MGAT4C: variants seen among roughly 807,000 people sequenced by gnomAD.
MGAT4C encodes the protein MGAT4 family member C, also known as alpha-1,3-mannosyl-glycoprotein 4-beta-N-acetylglucosaminyltransferase C.
In MGAT4C, 19 loss-of-function variants were observed where a neutral mutation model predicts 40.1. The ratio of observed to expected loss-of-function variants is 0.47; its 90% CI spans 0.33 to 0.70. The LOEUF (loss-of-function observed/expected upper bound fraction) is 0.70, where lower values mean the gene tolerates loss of function less well. MGAT4C is among the 30% of genes least tolerant of loss of function. MGAT4C has a pLI of 0.02. For synonymous variants in MGAT4C, 181 were observed against 187.1 expected, an observed-to-expected ratio of 0.97 and a Z score of 0.27; for missense variants, 491 against 563.2, an observed-to-expected ratio of 0.87 and a Z score of 1.30.
At chr12:86,019,870 G>A (rs966235292) in intron 2 of MGAT4C, among the ~76,000 whole-genome samples, 3 of 152,002 alleles carry the variant, frequency 2.0e-5, no homozygotes, top group African/African-American at 7.3e-5. Flanking sequence ...ATTTCATTGA[G>A]CAGTGGTTTG....
chr12:86,090,889 C>T (rs1459115608), intron 1 of MGAT4C, among the ~76,000 whole-genome samples: 2 of 151,738 alleles, frequency 1.3e-5, no homozygotes, highest in Admixed American at 1.3e-4. Flanking sequence ...TTTAAAAATC[C>T]TGACAGCCAA....
At chr12:86,215,406 C>G (rs1297527316) in intron 1 of MGAT4C, among the ~76,000 whole-genome samples, 1 of 152,102 alleles carries the variant, frequency 6.6e-6, no homozygotes, top group African/African-American at 2.4e-5. Context: ...AAGCTGCCCC[C>G]ACACATAGCA....
At position 86,605,425 on chromosome 12, in the gene MGAT4C, C is replaced by T. The variant is rs116094656; in HGVS notation, c.-229+121784G>A. On this transcript the variant is annotated intron_variant, in intron 2 of 7. Coordinates refer to the MGAT4C transcript ENST00000548651. ...GACCACTGGCATATGTAGATCAACT[C>T]GGCAGCCTGTTCAGAATAATAATAA... Among the ~76,000 whole-genome samples the T allele has an allele frequency of 3.0e-3, 455 of 151,998 alleles. 2 individuals are homozygous for T. The highest frequency in any genetic ancestry group is 0.01 in the African/African-American group (434 of 41,460).
intron 4 of MGAT4C, among the ~76,000 whole-genome samples, chr12:86,267,188 ATTG>A (rs1348817572): frequency 6.6e-6 from 1 of 151,438 alleles, no homozygotes; most frequent in Admixed American, 6.6e-5. Context: ...GTATTATTAG[ATTG>A]TTAATTTGTA....
intron 2 of MGAT4C, among the ~76,000 whole-genome samples, chr12:86,723,885 G>C (rs1478080362): frequency 2.0e-5 from 3 of 152,022 alleles, no homozygotes; most frequent in African/African-American, 7.2e-5. Context: ...TTGGTAAATA[G>C]GCAAAAAGCA....
At chr12:86,286,403 T>C (rs540034314) in intron 4 of MGAT4C, among the ~76,000 whole-genome samples, 146 of 152,300 alleles carry the variant, frequency 9.6e-4, no homozygotes, top group Non-Finnish European at 1.6e-3. Flanking sequence ...GTAGTACTTA[T>C]ACTTGTTTGA....
chr12:86,353,261 T>A (rs2136193689), intron 3 of MGAT4C, among the ~76,000 whole-genome samples: 1 of 152,190 alleles, frequency 6.6e-6, no homozygotes, highest in South Asian at 2.1e-4. Context: ...CAGAATTGGC[T>A]AAGATAGAGT....
intron 3 of MGAT4C, among the ~76,000 whole-genome samples, chr12:86,344,422 G>C (rs1954972071): frequency 6.6e-6 from 1 of 152,124 alleles, no homozygotes; most frequent in South Asian, 2.1e-4. Flanking sequence ...GCTGTTTCAA[G>C]AAAGAAAAGC....
At chr12:86,465,956 C>A (rs1957675093) in intron 2 of MGAT4C, among the ~76,000 whole-genome samples, 1 of 152,060 alleles carries the variant, frequency 6.6e-6, no homozygotes, top group Non-Finnish European at 1.5e-5. Flanking sequence ...TGCTTGTAAT[C>A]CCAGCTCTTT....
chr12:86,697,138 C>T (rs1423851754), intron 2 of MGAT4C, among the ~76,000 whole-genome samples: 1 of 152,100 alleles, frequency 6.6e-6, no homozygotes, highest in Non-Finnish European at 1.5e-5. Context: ...ATGAGTTCTA[C>T]ATAGGTGATT....
chr12:86,508,170 C>T (rs1440700576), intron 2 of MGAT4C, among the ~76,000 whole-genome samples: 50 of 152,094 alleles, frequency 3.3e-4, no homozygotes, highest in African/African-American at 1.1e-3. Flanking sequence ...AACTCGTCAT[C>T]TAGCATTAGG....
At chr12:86,642,167 CTG>C (rs984687253) in intron 2 of MGAT4C, among the ~76,000 whole-genome samples, 1 of 151,724 alleles carries the variant, frequency 6.6e-6, no homozygotes, top group African/African-American at 2.4e-5. Flanking sequence ...TGAACAAAGA[CTG>C]AGATTATATA....
chr12:86,490,012 C>A (rs1158315900), intron 2 of MGAT4C, among the ~76,000 whole-genome samples: 1 of 152,094 alleles, frequency 6.6e-6, no homozygotes, highest in East Asian at 1.9e-4. Context: ...GGATATCATC[C>A]AGGAGAACTT....
chr12:86,767,274 A>G (rs1366433938), intron 1 of MGAT4C, among the ~76,000 whole-genome samples: 1 of 152,242 alleles, frequency 6.6e-6, no homozygotes, highest in African/African-American at 2.4e-5. Flanking sequence ...GAAGAAATGG[A>G]TAAATTCCTC....
At chr12:86,394,514 T>G (rs1382061784) in intron 3 of MGAT4C, among the ~76,000 whole-genome samples, 10 of 145,532 alleles carry the variant, frequency 6.9e-5, no homozygotes, top group African/African-American at 2.0e-4. Flanking sequence ...TTTTAAATAT[T>G]TATATATTTA....
chr12:86,001,449 A>G (rs1887284974), intron 2 of MGAT4C: 1 of 175,902 alleles, frequency 5.7e-6, no homozygotes, highest in Non-Finnish European at 1.1e-5. Context: ...GATCAAATTC[A>G]TTATTGGATT....
At chr12:86,631,657 G>A (rs1458708519) in intron 2 of MGAT4C, among the ~76,000 whole-genome samples, 2 of 151,934 alleles carry the variant, frequency 1.3e-5, no homozygotes, top group African/African-American at 4.8e-5. Context: ...AATGGGGAAA[G>A]GATTCCCTAT....
intron 1 of MGAT4C, among the ~76,000 whole-genome samples, chr12:86,245,900 GAATA>G (rs554253050): frequency 1.5e-3 from 229 of 152,134 alleles, no homozygotes; most frequent in African/African-American, 5.4e-3. Flanking sequence ...AGAGCTACCA[GAATA>G]AATAGCTCAA....
intron 2 of MGAT4C, among the ~76,000 whole-genome samples, chr12:86,706,214 T>G (rs982410598): frequency 3.9e-5 from 6 of 152,110 alleles, no homozygotes; most frequent in African/African-American, 7.2e-5. Flanking sequence ...AAACCTACAT[T>G]TTTTGTCTTA....
Sources: allele counts gnomAD v4.1 joint callset (sites outside exome capture counted in the v4.1 genomes callset), GRCh38; gene constraint gnomAD v4.1.1; transcripts MANE v1.5; gene names NCBI Gene and HGNC (gene_info 2026-07-23, HGNC 2026-07-21).